Variants in GRIA1 observed in about 807,000 individuals in gnomAD.
GRIA1 encodes glutamate receptor 1.
GRIA1 carries 31 observed loss-of-function variants against 99.2 expected under a neutral mutation model. The observed-to-expected ratio is 0.31, with a 90% CI of 0.23 to 0.42. GRIA1 has a LOEUF of 0.42. Ranked by LOEUF, GRIA1 falls within the 10% of genes least tolerant of loss-of-function variation. The pLI is 1.00. For missense variants in GRIA1, 782 were observed against 1,157.5 expected (o/e 0.68, Z 4.71); for synonymous variants, 438 against 432.4 (o/e 1.01, Z -0.16).
Position 153,565,050 on chromosome 5 carries a change from T to G in GRIA1, c.220+70985T>G, listed in dbSNP as rs1761493279. Among the ~76,000 whole-genome samples the G allele has an allele frequency of 2.6e-5, 4 of 152,174 alleles. No homozygotes were observed. The South Asian group carries it at 8.3e-4, about 32-fold the overall frequency. The stretch of plus-strand genomic sequence containing the variant: ...AGTTATAATTTTAATTTTCCCCCCT[T>G]TGGATTAGAACTTAGAGGATATGGA... On this transcript the variant is annotated intron_variant, in intron 2 of 15. Coordinates refer to ENST00000285900, the MANE Select transcript of GRIA1 (RefSeq NM_000827.4).
chr5:153,727,403 A>T (rs1453255580), intron 11 of GRIA1, among the ~76,000 whole-genome samples: 1 of 152,218 alleles, frequency 6.6e-6, no homozygotes, highest in African/African-American at 2.4e-5. Context: ...AGGCAGGAGA[A>T]GGAAATAAAG....
intron 5 of GRIA1, among the ~76,000 whole-genome samples, chr5:153,661,116 C>G (rs1561740715): frequency 6.6e-6 from 1 of 152,184 alleles, no homozygotes; most frequent in African/African-American, 2.4e-5. Context: ...TCTCCTTGCT[C>G]CCCTGTGGTG....
intron 8 of GRIA1, among the ~76,000 whole-genome samples, chr5:153,694,111 T>C (rs1331067761): frequency 6.6e-6 from 1 of 152,240 alleles, no homozygotes; most frequent in Non-Finnish European, 1.5e-5. Flanking sequence ...GTACCTAGCA[T>C]ATAAGCCAAG....
intron 11 of GRIA1, among the ~76,000 whole-genome samples, chr5:153,737,290 T>TAAAA (rs35443126): frequency 4.1e-5 from 3 of 74,052 alleles, no homozygotes; most frequent in African/African-American, 9.8e-5. Context: ...GCAACCCCGG[T>TAAAA]AAAAAAAAAA....
intron 2 of GRIA1, among the ~76,000 whole-genome samples, chr5:153,593,150 G>A (rs1018719670): frequency 2.0e-5 from 3 of 152,200 alleles, no homozygotes; most frequent in East Asian, 3.9e-4. Context: ...GCCCGTAGTC[G>A]CAGCCACTCG....
chr5:153,542,192 C>G (rs568914773), intron 2 of GRIA1, among the ~76,000 whole-genome samples: 4 of 152,234 alleles, frequency 2.6e-5, no homozygotes, highest in Non-Finnish European at 5.9e-5. Context: ...GAGAGTAGCT[C>G]TAACCAAACT....
intron 12 of GRIA1, among the ~76,000 whole-genome samples, chr5:153,769,667 A>G (rs753681743): frequency 1.3e-5 from 2 of 151,622 alleles, no homozygotes; most frequent in African/African-American, 4.8e-5. Flanking sequence ...GTTTTTTGCC[A>G]TCAAAAGTAA....
At chr5:153,609,338 A>T (rs528022826) in intron 2 of GRIA1, among the ~76,000 whole-genome samples, 2 of 152,196 alleles carry the variant, frequency 1.3e-5, no homozygotes, top group Admixed American at 6.5e-5. Context: ...TGTTGTTCTC[A>T]TTGGGAGTAT....
At chr5:153,769,154 G>A (rs1188767658) in intron 12 of GRIA1, among the ~76,000 whole-genome samples, 4 of 152,194 alleles carry the variant, frequency 2.6e-5, no homozygotes, top group Admixed American at 2.6e-4. Context: ...GAGTGCCCCA[G>A]GCAGTGTGTC....
intron 2 of GRIA1, among the ~76,000 whole-genome samples, chr5:153,602,310 C>T (rs1282481599): frequency 6.7e-6 from 1 of 149,866 alleles, no homozygotes; most frequent in Non-Finnish European, 1.5e-5. Flanking sequence ...TGTTCTCACT[C>T]ATAGGTGGGA....
In GRIA1 at chr5:153,588,069, A is replaced by G. The variant is rs776578186; in HGVS notation, c.221-58859A>G. On this transcript the variant is annotated intron_variant, in intron 2 of 15. Transcript: ENST00000285900. Reference sequence around the variant, plus strand: ...ATTCCTGCCAATTGAAAAGACATGTACAAATATTCTTCAATGGAAGGACCT... The same window carrying G: ...ATTCCTGCCAATTGAAAAGACATGTGCAAATATTCTTCAATGGAAGGACCT... 3.6e-4 allele frequency among the ~76,000 whole-genome samples: 55 copies of G among 152,332 alleles called. 1 individual carries two copies. The highest frequency in any genetic ancestry group is 2.7e-3 in the Admixed American group (41 of 15,292).
At chr5:153,684,900 C>T (rs1296509237) in intron 7 of GRIA1, among the ~76,000 whole-genome samples, 1 of 152,156 alleles carries the variant, frequency 6.6e-6, no homozygotes, top group African/African-American at 2.4e-5. Context: ...GTGACCTCCT[C>T]ACTGAGACTT....
chr5:153,666,383 T>C (rs1755746600), intron 5 of GRIA1, among the ~76,000 whole-genome samples: 1 of 152,118 alleles, frequency 6.6e-6, no homozygotes, highest in East Asian at 1.9e-4. Flanking sequence ...AAGTGCTGTG[T>C]GGTTCACATT....
At chr5:153,556,268 A>G (rs1248990800) in intron 2 of GRIA1, among the ~76,000 whole-genome samples, 4 of 141,960 alleles carry the variant, frequency 2.8e-5, no homozygotes, top group Non-Finnish European at 4.8e-5. Flanking sequence ...TAGGAATTCA[A>G]CTATTCTCTC....
chr5:153,543,168 G>C (rs956584291), intron 2 of GRIA1, among the ~76,000 whole-genome samples: 1 of 152,170 alleles, frequency 6.6e-6, no homozygotes, highest in Admixed American at 6.5e-5. Flanking sequence ...GGAGGTGGTG[G>C]TGATCCTGGT....
At chr5:153,590,282 C>G (rs1447316153) in intron 2 of GRIA1, among the ~76,000 whole-genome samples, 2 of 151,912 alleles carry the variant, frequency 1.3e-5, no homozygotes, top group East Asian at 3.9e-4. Flanking sequence ...TGCATTATGG[C>G]CAAGCTTTAT....
chr5:153,601,551 A>G (rs762827692), intron 2 of GRIA1, among the ~76,000 whole-genome samples: 4 of 152,252 alleles, frequency 2.6e-5, no homozygotes, highest in Admixed American at 6.5e-5. Flanking sequence ...GTCTAAAAGC[A>G]AAAGTGAAAA....
chr5:153,504,204 G>T (rs1755270196), intron 2 of GRIA1, among the ~76,000 whole-genome samples: 1 of 151,878 alleles, frequency 6.6e-6, no homozygotes, highest in Non-Finnish European at 1.5e-5. Flanking sequence ...AAAGATTGTG[G>T]ATTTAAGCCA....
intron 2 of GRIA1, among the ~76,000 whole-genome samples, chr5:153,598,598 C>A (rs990566177): frequency 1.3e-5 from 2 of 152,156 alleles, no homozygotes; most frequent in Non-Finnish European, 2.9e-5. Context: ...CTGAGTTTGA[C>A]AATCTTACTT....
Sources: allele counts gnomAD v4.1 joint callset (sites outside exome capture counted in the v4.1 genomes callset), GRCh38; gene constraint gnomAD v4.1.1; transcripts MANE v1.5; gene names NCBI Gene and HGNC (gene_info 2026-07-23, HGNC 2026-07-21).